GALNT17: variants seen among roughly 807,000 people sequenced by gnomAD.
GALNT17 encodes UDP-GalNAc:polypeptide N-acetylgalactosaminyltransferase-like 3.
In GALNT17, 29 loss-of-function variants were observed where a neutral mutation model predicts 63.7. That is an observed-to-expected ratio of 0.46 (90% CI 0.34 to 0.62). The LOEUF (loss-of-function observed/expected upper bound fraction) is 0.62, where lower values mean the gene tolerates loss of function less well. Among genes scored for constraint, GALNT17 ranks in the 20% least tolerant of loss-of-function variants. The probability of loss-of-function intolerance (pLI) is 0.01; values close to 1 mark genes in which losing one functional copy is unlikely to be tolerated. For missense variants in GALNT17, 603 were observed against 799.6 expected (o/e 0.75, Z 2.97); for synonymous variants, 305 against 318.3 (o/e 0.96, Z 0.45).
intron 3 of GALNT17, among the ~76,000 whole-genome samples, chr7:71,405,036 C>G (rs1330829175): frequency 6.6e-6 from 1 of 152,204 alleles, no homozygotes; most frequent in Non-Finnish European, 1.5e-5. Flanking sequence ...GCTTTGCACT[C>G]ACATTTGGTC....
intron 1 of GALNT17, among the ~76,000 whole-genome samples, chr7:71,317,796 C>T (rs1791526819): frequency 6.6e-6 from 1 of 152,198 alleles, no homozygotes; most frequent in Admixed American, 6.5e-5. Context: ...CTGGCGGATA[C>T]ACCCTAAGCT....
chr7:71,622,219 G>A (rs975103508), intron 6 of GALNT17, among the ~76,000 whole-genome samples: 1 of 152,178 alleles, frequency 6.6e-6, no homozygotes, highest in Non-Finnish European at 1.5e-5. Context: ...TCTGCCATTG[G>A]GCTGGTAGAA....
At chr7:71,611,735 T>A (rs1180856170) in intron 6 of GALNT17, among the ~76,000 whole-genome samples, 1 of 151,882 alleles carries the variant, frequency 6.6e-6, no homozygotes, top group Non-Finnish European at 1.5e-5. Flanking sequence ...GCCATGAAAA[T>A]GCTAAAGGAA....
In GALNT17 at chr7:71,650,757, G is replaced by A. The variant is rs1330340256; in HGVS notation, c.1081-14654G>A. On this transcript the variant is annotated intron_variant, in intron 6 of 10. Transcript: ENST00000333538. ...CAGTAGAAGGATGGAGGACATGCATGGATAAGGGAGTGAATACAGTGTTTT... is the reference window on the plus strand; with the variant it reads ...CAGTAGAAGGATGGAGGACATGCATAGATAAGGGAGTGAATACAGTGTTTT... Among the ~76,000 whole-genome samples, 6 of 152,274 alleles carry A rather than the reference G, an allele frequency of 3.9e-5. 1 individual carries two copies. In the East Asian group the frequency reaches 1.2e-3, roughly 29 times the overall value.
rs556492932 is a variant in GALNT17 at position 71,443,153 on chromosome 7, G to A, written c.962+22048G>A. On this transcript the variant is annotated intron_variant, in intron 5 of 10. Transcript: ENST00000333538. ...GGGCAGGTTACAGCTCTTCATTTTC[G>A]AGGTCAGCTTCGTCGCCAATTCAAA... Among the ~76,000 whole-genome samples the A allele has an allele frequency of 2.2e-4, 33 of 152,196 alleles. No individual in the cohort carries two copies. The East Asian group carries it at 6.0e-3, about 28-fold the overall frequency.
chr7:71,480,730 C>T (rs1184558806), intron 5 of GALNT17, among the ~76,000 whole-genome samples: 1 of 152,188 alleles, frequency 6.6e-6, no homozygotes, highest in African/African-American at 2.4e-5. Flanking sequence ...TGGTCTCGAA[C>T]TCCTGGCCTC....
chr7:71,235,741 C>T (rs889995315), intron 1 of GALNT17, among the ~76,000 whole-genome samples: 1 of 152,156 alleles, frequency 6.6e-6, no homozygotes, highest in East Asian at 1.9e-4. Flanking sequence ...GGCCTGGGTT[C>T]CCCCAGCTCC....
intron 2 of GALNT17, among the ~76,000 whole-genome samples, chr7:71,352,242 C>A (rs1792202096): frequency 6.6e-6 from 1 of 152,188 alleles, no homozygotes; most frequent in South Asian, 2.1e-4. Context: ...GTAAGCAGTG[C>A]CTTTTACCTT....
intron 5 of GALNT17, among the ~76,000 whole-genome samples, chr7:71,544,686 T>C (rs1480983676): frequency 6.6e-6 from 1 of 152,122 alleles, no homozygotes; most frequent in African/African-American, 2.4e-5. Flanking sequence ...TAGAAGTTTT[T>C]AGCATCGCAG....
At chr7:71,161,248 A>C (rs1338356636) in intron 1 of GALNT17, among the ~76,000 whole-genome samples, 1 of 152,140 alleles carries the variant, frequency 6.6e-6, no homozygotes, top group African/African-American at 2.4e-5. Context: ...ATAATTTAAA[A>C]ACCTTGTTAA....
chr7:71,675,140 C>T lies in GALNT17; in HGVS notation c.1405-2071C>T, dbSNP rs571200709. On this transcript the variant is annotated intron_variant, in intron 8 of 10. Transcript: ENST00000333538. Reference sequence around the variant, plus strand: ...TGGAGGTTGCAGTGAGCCGAGATTGCGCCACTGCATTCCAGCCTGGTGACA... The same window carrying T: ...TGGAGGTTGCAGTGAGCCGAGATTGTGCCACTGCATTCCAGCCTGGTGACA... Among the ~76,000 whole-genome samples the T allele has an allele frequency of 6.2e-4, 94 of 152,148 alleles. No homozygotes were observed. In the South Asian group the frequency reaches 9.3e-3, roughly 15 times the overall value.
intron 9 of GALNT17, among the ~76,000 whole-genome samples, chr7:71,702,627 T>C (rs1407165406): frequency 6.6e-6 from 1 of 152,152 alleles, no homozygotes; most frequent in Admixed American, 6.6e-5. Flanking sequence ...AATAATATAG[T>C]ATTTTAAAAG....
At chr7:71,473,452 A>G (rs1787674137) in intron 5 of GALNT17, among the ~76,000 whole-genome samples, 1 of 152,150 alleles carries the variant, frequency 6.6e-6, no homozygotes, top group African/African-American at 2.4e-5. Flanking sequence ...TTTTGGGGTA[A>G]AACATTTGGA....
chr7:71,159,324 G>C (rs1258998454), intron 1 of GALNT17, among the ~76,000 whole-genome samples: 3 of 151,694 alleles, frequency 2.0e-5, no homozygotes, highest in Non-Finnish European at 4.4e-5. Flanking sequence ...TTGTATCCTA[G>C]ACTTGGAGAA....
chr7:71,708,113 A>G (rs1398073532), intron 9 of GALNT17, among the ~76,000 whole-genome samples: 2 of 152,210 alleles, frequency 1.3e-5, no homozygotes, highest in Non-Finnish European at 2.9e-5. Context: ...TTCTGTTGCA[A>G]TAAATACCCT....
intron 5 of GALNT17, among the ~76,000 whole-genome samples, chr7:71,493,319 C>T (rs4595007): frequency 0.98 from 149,251 of 152,334 alleles, 73,183 homozygotes; most frequent in Non-Finnish European, 1. Context: ...CCCAGTTCAC[C>T]TTCATATTGA....
intron 5 of GALNT17, among the ~76,000 whole-genome samples, chr7:71,437,025 G>A (rs1262449708): frequency 1.3e-5 from 2 of 152,108 alleles, no homozygotes; most frequent in African/African-American, 2.4e-5. Flanking sequence ...TCTTCGACTC[G>A]CTGGCCCTCC....
intron 6 of GALNT17, among the ~76,000 whole-genome samples, chr7:71,619,231 C>T (rs546016161): frequency 6.6e-6 from 1 of 152,252 alleles, no homozygotes; most frequent in African/African-American, 2.4e-5. Flanking sequence ...AGTGTGATAC[C>T]TCCAGTTTTG....
intron 2 of GALNT17, among the ~76,000 whole-genome samples, chr7:71,346,194 A>G (rs1046264930): frequency 1.3e-5 from 2 of 151,816 alleles, no homozygotes; most frequent in Non-Finnish European, 2.9e-5. Flanking sequence ...GAGTGTGTAC[A>G]TGTGACAGTG....
Sources: gnomAD v4.1 joint callset for allele counts (sites outside exome capture counted in the v4.1 genomes callset) on GRCh38, gnomAD v4.1.1 for gene constraint, MANE v1.5 for transcripts, NCBI Gene and HGNC (gene_info 2026-07-23, HGNC 2026-07-21) for gene names.